CNTN3: variants seen among roughly 807,000 people sequenced by gnomAD.
The protein encoded by CNTN3 is contactin 3, also known as contactin-3.
A neutral mutation model predicts 119.1 loss-of-function variants in CNTN3; 60 were observed. The observed-to-expected ratio is 0.50, with a 90% CI of 0.41 to 0.62. The LOEUF (loss-of-function observed/expected upper bound fraction) is 0.62, where lower values mean the gene tolerates loss of function less well. CNTN3 is among the 20% of genes least tolerant of loss of function. CNTN3 has a pLI of 0.00. For synonymous variants in CNTN3, 450 were observed against 438.7 expected, an observed-to-expected ratio of 1.03 and a Z score of -0.32; for missense variants, 1,101 against 1,242.4, an observed-to-expected ratio of 0.89 and a Z score of 1.71.
At chr3:74,565,169 A>G (rs1704208324) in intron 1 of CNTN3, among the ~76,000 whole-genome samples, 3 of 152,156 alleles carry the variant, frequency 2.0e-5, no homozygotes, top group Admixed American at 6.6e-5. Flanking sequence ...AAACGCCACA[A>G]ATGCAATGCC....
At chr3:74,324,399 C>T (rs952753660) in intron 13 of CNTN3, among the ~76,000 whole-genome samples, 4 of 151,924 alleles carry the variant, frequency 2.6e-5, no homozygotes, top group African/African-American at 9.7e-5. Flanking sequence ...TTGGTAGAGA[C>T]GGAGTTTTGC....
At chr3:74,604,643 C>T (rs1704963384) in intron 1 of CNTN3, among the ~76,000 whole-genome samples, 1 of 152,010 alleles carries the variant, frequency 6.6e-6, no homozygotes, top group Non-Finnish European at 1.5e-5. Flanking sequence ...CAGGTATTAT[C>T]AAAAAGACAA....
intron 5 of CNTN3, among the ~76,000 whole-genome samples, chr3:74,386,395 G>T (rs144200248): frequency 4.1e-4 from 63 of 152,278 alleles, no homozygotes; most frequent in African/African-American, 1.5e-3. Flanking sequence ...GAAGAAGGTG[G>T]ATGGCTTGAT....
At chr3:74,331,851 C>A (rs560246426) in intron 13 of CNTN3, among the ~76,000 whole-genome samples, 5 of 152,274 alleles carry the variant, frequency 3.3e-5, no homozygotes, top group African/African-American at 1.2e-4. Context: ...TGACTGGTGT[C>A]ATCATGCTCC....
intron 4 of CNTN3, among the ~76,000 whole-genome samples, chr3:74,460,209 T>A (rs559962049): frequency 6.6e-6 from 1 of 152,144 alleles, no homozygotes; most frequent in African/African-American, 2.4e-5. Context: ...CACATTTTGA[T>A]CTTCTTTGTT....
chr3:74,288,216 T>C (rs1440877138), intron 19 of CNTN3, among the ~76,000 whole-genome samples: 3 of 148,216 alleles, frequency 2.0e-5, no homozygotes, highest in Non-Finnish European at 3.0e-5. Flanking sequence ...TGGAATATAG[T>C]GGCACGATCT....
At chr3:74,395,756 TTG>T (rs199985141) in intron 5 of CNTN3, among the ~76,000 whole-genome samples, 16 of 152,080 alleles carry the variant, frequency 1.1e-4, no homozygotes, top group African/African-American at 3.4e-4. Context: ...TTTGCAGATA[TTG>T]TGTGTGTGTG....
In CNTN3 at chr3:74,264,431, T is replaced by C. The variant is rs184742317; in HGVS notation, c.3057A>G (p.Val1019=). ...ACAGGACATATACAATTAAGAACAG[T>C]ACTATAGGCATATAACTTGACATAG... ...VHPMSSYMPI[V]LFLIVYVLW is the part of the protein sequence containing the mutation. The change falls in exon 23 of 23, where the codon GTA becomes GTG. Residue 1019 remains valine (V), a synonymous_variant. Transcript: ENST00000263665. 6.2e-7 allele frequency: 1 copy of C among 1,609,346 alleles called. No homozygotes were observed. The highest frequency in any genetic ancestry group is 8.5e-7 in the Non-Finnish European group (1 of 1,176,232).
chr3:74,513,397 A>T (rs1202404527), intron 2 of CNTN3, among the ~76,000 whole-genome samples: 1 of 152,100 alleles, frequency 6.6e-6, no homozygotes, highest in Non-Finnish European at 1.5e-5. Context: ...GGAGGAGCAA[A>T]TAATGTACAC....
rs188001425 is a variant in CNTN3, at chr3:74,465,296, C to T, written c.358+21160G>A. ...TGATCCCCCAAGGAGTATTAAGTAT[C>T]GTGCGGACAGGTAGAAGCAACAACA... is the stretch of plus-strand genomic sequence containing the variant. On this transcript the variant is annotated intron_variant, in intron 4 of 22. Transcript: ENST00000263665. Among the ~76,000 whole-genome samples, 10 of 152,190 alleles carry T rather than the reference C, an allele frequency of 6.6e-5. No individual in the cohort carries two copies. The East Asian group carries it at 7.7e-4, about 12-fold the overall frequency.
At chr3:74,420,773 T>C (rs1287712047) in intron 5 of CNTN3, among the ~76,000 whole-genome samples, 2 of 152,212 alleles carry the variant, frequency 1.3e-5, no homozygotes, top group African/African-American at 4.8e-5. Context: ...AGTCAGAGCA[T>C]CCAGGTTCTA....
intron 13 of CNTN3, among the ~76,000 whole-genome samples, chr3:74,332,332 T>G (rs577814950): frequency 2.0e-5 from 3 of 152,376 alleles, no homozygotes; most frequent in Non-Finnish European, 4.4e-5. Flanking sequence ...TATGGCTTAC[T>G]GTTTTATACT....
In CNTN3 at chr3:74,536,024, T is replaced by A. The variant is rs535829352; in HGVS notation, c.-80-14832A>T. On this transcript the variant is annotated intron_variant, in intron 1 of 22. Coordinates refer to ENST00000263665, the MANE Select transcript of CNTN3 (RefSeq NM_020872.3). ...TCCTCTATTCAGGAATAAAATTTTT[T>A]AAAAAAATTTCTTACTCTTTTTACT... is the stretch of plus-strand genomic sequence containing the variant. Among the ~76,000 whole-genome samples, 29 of 152,248 alleles carry A rather than the reference T, an allele frequency of 1.9e-4. No homozygotes were observed. In the South Asian group the frequency reaches 2.5e-3, roughly 13 times the overall value.
At chr3:74,488,307 G>T (rs1702897317) in intron 3 of CNTN3, among the ~76,000 whole-genome samples, 1 of 152,006 alleles carries the variant, frequency 6.6e-6, no homozygotes, top group African/African-American at 2.4e-5. Context: ...TAGAGACAGG[G>T]TTTCACCGTG....
intron 3 of CNTN3, among the ~76,000 whole-genome samples, chr3:74,491,241 C>T (rs570063306): frequency 2.0e-5 from 3 of 152,178 alleles, no homozygotes; most frequent in African/African-American, 7.2e-5. Context: ...TGGCTCATGC[C>T]TGTAATCCTA....
At chr3:74,453,244 GAA>G (rs146587966) in intron 4 of CNTN3, among the ~76,000 whole-genome samples, 77,953 of 151,434 alleles carry the variant, frequency 0.51, 20,372 homozygotes, top group Non-Finnish European at 0.55. Flanking sequence ...TTTAGTCTTG[GAA>G]GAGTGTATGT....
At chr3:74,561,431 A>G (rs1185859457) in intron 1 of CNTN3, among the ~76,000 whole-genome samples, 1 of 152,122 alleles carries the variant, frequency 6.6e-6, no homozygotes, top group Non-Finnish European at 1.5e-5. Flanking sequence ...TCTTCACCAC[A>G]TCCAGATCCC....
chr3:74,568,449 C>A (rs1430706561), intron 1 of CNTN3, among the ~76,000 whole-genome samples: 1 of 152,182 alleles, frequency 6.6e-6, no homozygotes, highest in Non-Finnish European at 1.5e-5. Flanking sequence ...GTAAACTGAA[C>A]AAACTCAGCC....
intron 19 of CNTN3, among the ~76,000 whole-genome samples, chr3:74,293,661 G>C (rs1003252464): frequency 6.6e-6 from 1 of 152,130 alleles, no homozygotes; most frequent in Non-Finnish European, 1.5e-5. Flanking sequence ...ATTTTGTTGA[G>C]ATGGGGTCTC....
Sources: allele counts gnomAD v4.1 joint callset (sites outside exome capture counted in the v4.1 genomes callset), GRCh38; gene constraint gnomAD v4.1.1; transcripts MANE v1.5; gene names NCBI Gene and HGNC (gene_info 2026-07-23, HGNC 2026-07-21).